The following AKAP11 variants were observed in gnomAD, a reference collection of about 807,000 sequenced individuals.
AKAP11 encodes the protein A-kinase anchoring protein 11.
A neutral mutation model predicts 146.1 loss-of-function variants in AKAP11; 36 were observed. The ratio of observed to expected loss-of-function variants is 0.25; its 90% CI spans 0.19 to 0.33. The LOEUF is 0.33. AKAP11 is among the 10% of genes least tolerant of loss of function. AKAP11 has a pLI of 1.00. For synonymous variants in AKAP11, 780 were observed against 786.5 expected, an observed-to-expected ratio of 0.99 and a Z score of 0.14; for missense variants, 2,201 against 2,197.0, an observed-to-expected ratio of 1.00 and a Z score of -0.04.
intron 3 of AKAP11, among the ~76,000 whole-genome samples, chr13:42,292,146 A>G (rs531691386): frequency 4.6e-5 from 7 of 152,328 alleles, no homozygotes; most frequent in Admixed American, 4.6e-4. Context: ...GTGATCTTCT[A>G]GTGAGTTGAA....
rs763564665 is a variant in AKAP11, at chr13:42,301,576, A to C, written c.2830A>C (p.Lys944Gln). ...GGACATGTTTGCTGACCGGTTATCT[A>C]AATCTATTATTAAACATTCCATAGA... is the stretch of plus-strand genomic sequence containing the variant. ...NKDMFADRLS[K>Q]SIIKHSIDKS... The change falls in exon 8 of 13, where the codon AAA becomes CAA. Residue 944 changes from lysine (K) to glutamine (Q), a missense_variant. This residue lies in a region of AKAP11 where 1,867 missense variants were observed against 1,833.5 expected (regional missense o/e 1.02). Coordinates refer to ENST00000025301, the MANE Select transcript of AKAP11 (RefSeq NM_016248.4). The C allele has an allele frequency of 6.2e-7, 1 of 1,614,136 alleles. No individual in the cohort carries two copies. Among genetic ancestry groups the C allele is most frequent in the East Asian group, 2.2e-5 (1 of 44,880 alleles).
At chr13:42,278,829 T>C (rs1227897121) in intron 1 of AKAP11, among the ~76,000 whole-genome samples, 1 of 152,234 alleles carries the variant, frequency 6.6e-6, no homozygotes, top group Non-Finnish European at 1.5e-5. Context: ...ACTCTAGTGG[T>C]GGTCAACTGG....
intron 10 of AKAP11, 121 bp from the exon 11 acceptor site, chr13:42,313,773 C>A: frequency 1.3e-6 from 1 of 762,824 alleles, no homozygotes. Context: ...CATTTCTCCC[C>A]TTTCTAAATG....
intron 1 of AKAP11, among the ~76,000 whole-genome samples, chr13:42,281,957 T>A (rs543683718): frequency 6.6e-6 from 1 of 151,970 alleles, no homozygotes; most frequent in South Asian, 2.1e-4. Context: ...GTCAGAGTTG[T>A]GTCTGTATAT....
chr13:42,299,893 T>C lies in AKAP11; in HGVS notation c.1147T>C (p.Ser383Pro). The change falls in exon 8 of 13, where the codon TCA becomes CCA. Residue 383 changes from serine (S) to proline (P), a missense_variant. Around this residue, in one of 3 missense-constraint regions of AKAP11, gnomAD observed 1,867 missense variants for 1,833.5 expected, o/e 1.02. Transcript: ENST00000025301. Reference sequence around the variant, plus strand: ...TAACAAAGATCCCGTCATAGGGAAGTCATCGCAGAGGAAAGGGCACAAACA... The same window carrying C: ...TAACAAAGATCCCGTCATAGGGAAGCCATCGCAGAGGAAAGGGCACAAACA... ...LFNKDPVIGK[S>P]SQRKGHKHGK... 1 of 1,613,918 alleles carries C rather than the reference T, an allele frequency of 6.2e-7. No homozygotes were observed. Among genetic ancestry groups the C allele is most frequent in the Admixed American group, 1.7e-5 (1 of 59,994 alleles).
At chr13:42,299,009 A>G (rs1487576782) in intron 7 of AKAP11, among the ~76,000 whole-genome samples, 6 of 151,998 alleles carry the variant, frequency 3.9e-5, no homozygotes, top group Admixed American at 2.6e-4. Context: ...AGGTTTTCAT[A>G]TTTAGTTGGT....
At chr13:42,283,030 A>G (rs1012588730) in intron 1 of AKAP11, among the ~76,000 whole-genome samples, 1 of 152,206 alleles carries the variant, frequency 6.6e-6, no homozygotes, top group African/African-American at 2.4e-5. Context: ...CTAATTATAT[A>G]AGATGCTAAA....
chr13:42,279,311 A>G (rs1362875319), intron 1 of AKAP11, among the ~76,000 whole-genome samples: 1 of 151,552 alleles, frequency 6.6e-6, no homozygotes, highest in Non-Finnish European at 1.5e-5. Flanking sequence ...TCACTCGCTT[A>G]CTCACTATGT....
chr13:42,313,075 C>T lies in AKAP11; in HGVS notation c.5302C>T (p.Leu1768Phe). The change falls in exon 10 of 13, where the codon CTT becomes TTT. Residue 1768 changes from leucine to phenylalanine, a missense_variant. Physicochemically the swap from Leu to Phe is conservative, Grantham distance 22. Transcript: ENST00000025301. ...SNGNSSSWSS[L>F]GLEGDLYEDN... is the part of the protein sequence containing the mutation. ...TGGTAACAGCAGTAGCTGGAGCAGT[C>T]TTGGTTTAGAAGGAGATTTGTATGA... 1 of 1,613,448 alleles carries T rather than the reference C, an allele frequency of 6.2e-7. No homozygotes were observed. Among genetic ancestry groups the T allele is most frequent in the Non-Finnish European group, 8.5e-7 (1 of 1,179,772 alleles).
intron 11 of AKAP11, among the ~76,000 whole-genome samples, chr13:42,315,703 C>T (rs1960787027): frequency 6.6e-6 from 1 of 152,086 alleles, no homozygotes; most frequent in African/African-American, 2.4e-5. Flanking sequence ...GTTGATATGT[C>T]ATTACTGAGT....
At chr13:42,281,008 T>TA (rs1959047542) in intron 1 of AKAP11, among the ~76,000 whole-genome samples, 1 of 152,214 alleles carries the variant, frequency 6.6e-6, no homozygotes, top group Non-Finnish European at 1.5e-5. Flanking sequence ...AAGTTTTATT[T>TA]ACCTTTTGAA....
intron 9 of AKAP11, among the ~76,000 whole-genome samples, chr13:42,312,637 AGACCT>A (rs1274308223): frequency 1.3e-5 from 2 of 152,204 alleles, no homozygotes; most frequent in Non-Finnish European, 2.9e-5. Context: ...CACTATCTAA[AGACCT>A]GAGAGAATGT....
intron 4 of AKAP11, 93 bp from the exon 5 acceptor site, chr13:42,295,602 G>A: frequency 8.3e-7 from 1 of 1,206,578 alleles, no homozygotes; most frequent in Admixed American, 1.8e-5. Flanking sequence ...GCATTTTAAT[G>A]CTTTGTCTGT....
chr13:42,302,526 G>T lies in AKAP11; in HGVS notation c.3780G>T (p.Ala1260=), dbSNP rs368757742. Residue 1260 remains alanine, a synonymous_variant, in exon 8 of 13, where the codon GCG becomes GCT. Transcript: ENST00000025301. ...DENLKTLCNF[A]GDLAAEVITE... is the part of the protein sequence containing the mutation. ...ATTTGAAAACATTATGCAATTTTGC[G>T]GGTGATCTGGCAGCAGAAGTCATTA... 7 of 1,613,972 alleles carry T rather than the reference G, an allele frequency of 4.3e-6. No homozygotes were observed. The African/African-American group carries it at 9.3e-5, about 22-fold the overall frequency.
intron 1 of AKAP11, among the ~76,000 whole-genome samples, chr13:42,277,697 T>C (rs1405086540): frequency 1.3e-5 from 2 of 152,246 alleles, no homozygotes; most frequent in African/African-American, 4.8e-5. Flanking sequence ...ATTCACGTCA[T>C]TGATGAAATT....
At chr13:42,292,962 A>G (rs867855323) in intron 4 of AKAP11, among the ~76,000 whole-genome samples, 6 of 152,196 alleles carry the variant, frequency 3.9e-5, no homozygotes, top group East Asian at 1.9e-4. Flanking sequence ...TACTTACTCT[A>G]TTACTTGAGG....
intron 3 of AKAP11, 27 bp downstream of exon 3, chr13:42,286,426 T>C (rs768622776): frequency 1.0e-5 from 16 of 1,539,062 alleles, no homozygotes; most frequent in East Asian, 2.3e-5. Context: ...AGGTTTCTTT[T>C]AGTGAAAGTT....
At chr13:42,282,658 C>T (rs943952799) in intron 1 of AKAP11, among the ~76,000 whole-genome samples, 14 of 152,034 alleles carry the variant, frequency 9.2e-5, no homozygotes, top group African/African-American at 3.4e-4. Flanking sequence ...TCTTGGTTTT[C>T]CATTGTTTTT....
At chr13:42,314,076 TTTTG>T (rs1960698143) in intron 11 of AKAP11, 136 bp downstream of exon 11, 3 of 817,370 alleles carry the variant, frequency 3.7e-6, no homozygotes, top group South Asian at 4.6e-5. Context: ...CTTGAACTAA[TTTTG>T]TTTGTCCACT....
Sources: allele counts gnomAD v4.1 joint callset (sites outside exome capture counted in the v4.1 genomes callset), GRCh38; gene constraint gnomAD v4.1.1; regional missense constraint gnomAD v4.1.1; transcripts MANE v1.5; gene names NCBI Gene and HGNC (gene_info 2026-07-23, HGNC 2026-07-21).